MBNL1: variants seen among roughly 807,000 people sequenced by gnomAD.
The protein encoded by MBNL1 is muscleblind like splicing regulator 1, also known as muscleblind-like protein 1.
Under a neutral mutation model 42.2 loss-of-function variants are expected in MBNL1, and 8 were observed. That is an observed-to-expected ratio of 0.19 (90% CI 0.11 to 0.34). The LOEUF is 0.34. MBNL1 is among the 10% of genes least tolerant of loss of function. The pLI is 1.00. For synonymous variants in MBNL1, 169 were observed against 173.9 expected, an observed-to-expected ratio of 0.97 and a Z score of 0.22; for missense variants, 309 against 495.3, an observed-to-expected ratio of 0.62 and a Z score of 3.57.
chr3:152,254,211 G>A (rs570293693), intron 2 of MBNL1, among the ~76,000 whole-genome samples: 2 of 152,172 alleles, frequency 1.3e-5, no homozygotes, highest in African/African-American at 2.4e-5. Context: ...TGAGTCAAAC[G>A]AACTGAGACC....
chr3:152,329,886 T>A (rs1298391), intron 2 of MBNL1, among the ~76,000 whole-genome samples: 151,017 of 151,750 alleles, frequency 1, 75,152 homozygotes, highest in Middle Eastern at 1. Context: ...TATTTATCTG[T>A]CAAAGGAGTA....
chr3:152,324,678 T>C (rs1026322314), intron 2 of MBNL1, among the ~76,000 whole-genome samples: 1 of 152,312 alleles, frequency 6.6e-6, no homozygotes, highest in Non-Finnish European at 1.5e-5. Context: ...TGTAGAATTT[T>C]ATTTCCAGAT....
intron 2 of MBNL1, among the ~76,000 whole-genome samples, chr3:152,304,446 T>G (rs1240563721): frequency 6.6e-6 from 1 of 152,202 alleles, no homozygotes; most frequent in African/African-American, 2.4e-5. Flanking sequence ...AAATATGCAA[T>G]TTTCAATTAA....
chr3:152,391,617 T>C (rs1324549048), intron 2 of MBNL1, among the ~76,000 whole-genome samples: 2 of 152,242 alleles, frequency 1.3e-5, no homozygotes, highest in African/African-American at 4.8e-5. Context: ...TTCTACATGC[T>C]TCTTTATTCT....
chr3:152,357,699 A>G (rs558161962), intron 2 of MBNL1, among the ~76,000 whole-genome samples: 1 of 152,228 alleles, frequency 6.6e-6, no homozygotes, highest in Non-Finnish European at 1.5e-5. Context: ...TTATTTTCCC[A>G]CCTTACTCTT....
intron 3 of MBNL1, among the ~76,000 whole-genome samples, chr3:152,426,813 A>G (rs1244430221): frequency 6.6e-6 from 1 of 152,192 alleles, no homozygotes; most frequent in Non-Finnish European, 1.5e-5. Context: ...ATAGCCTAGG[A>G]ATAGAGAAAT....
chr3:152,413,776 A>C (rs1187532681), intron 2 of MBNL1, among the ~76,000 whole-genome samples: 1 of 152,176 alleles, frequency 6.6e-6, no homozygotes, highest in Admixed American at 6.5e-5. Context: ...TTTATTGGTG[A>C]AAGAAGTTGT....
intron 2 of MBNL1, among the ~76,000 whole-genome samples, chr3:152,306,019 C>G (rs2151826037): frequency 6.6e-6 from 1 of 152,206 alleles, no homozygotes; most frequent in South Asian, 2.1e-4. Flanking sequence ...ACAGTATAAC[C>G]CCTGATATCT....
chr3:152,394,060 C>T (rs2097832242), intron 2 of MBNL1, among the ~76,000 whole-genome samples: 2 of 152,112 alleles, frequency 1.3e-5, no homozygotes, highest in Admixed American at 1.3e-4. Context: ...TTTTCCAAAA[C>T]GAACCTACCA....
At chr3:152,335,285 C>A in intron 2 of MBNL1, 1 of 1,288,188 alleles carries the variant, frequency 7.8e-7, no homozygotes, top group Non-Finnish European at 1.0e-6. Context: ...TTTGGGTAGG[C>A]CTGCTCGCTC....
In MBNL1 at chr3:152,336,104, T is replaced by C. The variant is rs150371550; in HGVS notation, c.174+35737T>C. Among the ~76,000 whole-genome samples the C allele has an allele frequency of 4.6e-5, 7 of 152,340 alleles. No individual in the cohort carries two copies. In the East Asian group the frequency reaches 1.2e-3, roughly 25 times the overall value. On this transcript the variant is annotated intron_variant, in intron 2 of 9. Coordinates refer to ENST00000324210, the MANE Select transcript of MBNL1 (RefSeq NM_021038.5). ...CCCTTGCGATGCTTAACAACAGTTA[T>C]GAAAACCTTTGTTTAGATGATCTGA... is the stretch of plus-strand genomic sequence containing the variant.
chr3:152,293,044 G>A (rs951269793), intron 1 of MBNL1, among the ~76,000 whole-genome samples: 1 of 152,116 alleles, frequency 6.6e-6, no homozygotes, highest in Non-Finnish European at 1.5e-5. Context: ...TTGGATTACA[G>A]GCGTGAGCCA....
intron 2 of MBNL1, among the ~76,000 whole-genome samples, chr3:152,253,279 A>G (rs755236835): frequency 8.6e-5 from 13 of 152,014 alleles, no homozygotes; most frequent in Non-Finnish European, 1.8e-4. Flanking sequence ...GGCCAACAGT[A>G]TCCTTAATTT....
chr3:152,412,725 G>A (rs1158957156), intron 2 of MBNL1, among the ~76,000 whole-genome samples: 1 of 152,086 alleles, frequency 6.6e-6, no homozygotes. Flanking sequence ...GGATGGTCTG[G>A]GTGGTGTGTA....
chr3:152,273,885 A>G (rs994375406), intron 1 of MBNL1, among the ~76,000 whole-genome samples: 1 of 152,196 alleles, frequency 6.6e-6, no homozygotes, highest in African/African-American at 2.4e-5. Context: ...AAGTGTGAAC[A>G]TACAATTTGT....
intron 2 of MBNL1, among the ~76,000 whole-genome samples, chr3:152,384,195 G>C (rs1263998789): frequency 6.6e-6 from 1 of 152,102 alleles, no homozygotes; most frequent in Non-Finnish European, 1.5e-5. Flanking sequence ...CATGGAGGCA[G>C]AATGTACCAA....
chr3:152,323,186 GTACT>G (rs2077386709), intron 2 of MBNL1, among the ~76,000 whole-genome samples: 1 of 151,932 alleles, frequency 6.6e-6, no homozygotes, highest in Non-Finnish European at 1.5e-5. Flanking sequence ...TTATCCAAAT[GTACT>G]TACTCATTGG....
rs1406039638 is a variant in MBNL1, at chr3:152,286,434, ATATT to A, written c.-789-12967_-789-12964del. Among the ~76,000 whole-genome samples the A allele has an allele frequency of 2.3e-4, 16 of 69,886 alleles. No individual in the cohort carries two copies. In the East Asian group the frequency reaches 2.8e-3, roughly 12 times the overall value. The allele number at this position is 69,886 out of a possible 152,430, so 45.8% of individuals were successfully genotyped here. On this transcript the variant is annotated intron_variant, in intron 1 of 9. Coordinates refer to ENST00000324210, the MANE Select transcript of MBNL1 (RefSeq NM_021038.5). The stretch of plus-strand genomic sequence containing the variant: ...TATTTATATTTTATTTATAATATAA[ATATT>A]TATATTTTATTTATAATATAAATAT...
At chr3:152,441,920 G>C (rs913094077) in intron 4 of MBNL1, among the ~76,000 whole-genome samples, 43 of 152,132 alleles carry the variant, frequency 2.8e-4, no homozygotes, top group African/African-American at 9.9e-4. Flanking sequence ...AGCCTCCTGA[G>C]TAGCTAGGAT....
Sources: allele counts gnomAD v4.1 joint callset (sites outside exome capture counted in the v4.1 genomes callset), GRCh38; gene constraint gnomAD v4.1.1; transcripts MANE v1.5; gene names NCBI Gene and HGNC (gene_info 2026-07-23, HGNC 2026-07-21).